The following ARFGEF3 variants were observed in gnomAD, a reference collection of about 807,000 sequenced individuals.
The protein encoded by ARFGEF3 is brefeldin A-inhibited guanine nucleotide-exchange protein 3.
ARFGEF3 carries 96 observed loss-of-function variants against 221.7 expected under a neutral mutation model. The ratio of observed to expected loss-of-function variants is 0.43; its 90% CI spans 0.37 to 0.51. ARFGEF3 has a LOEUF of 0.51. ARFGEF3 is among the 20% of genes least tolerant of loss of function. ARFGEF3 has a pLI of 0.00. For synonymous variants in ARFGEF3, 1,145 were observed against 1,126.8 expected, an observed-to-expected ratio of 1.02 and a Z score of -0.32; for missense variants, 2,410 against 2,789.9, an observed-to-expected ratio of 0.86 and a Z score of 3.07.
intron 8 of ARFGEF3, 65 bp from the exon 9 acceptor site, chr6:138,253,815 C>A: frequency 7.7e-7 from 1 of 1,295,270 alleles, no homozygotes; most frequent in Non-Finnish European, 1.1e-6. Flanking sequence ...CGTGTTTCCA[C>A]ACATCACCTC....
At chr6:138,320,092 C>T (rs1481874267) in intron 28 of ARFGEF3, among the ~76,000 whole-genome samples, 3 of 151,980 alleles carry the variant, frequency 2.0e-5, no homozygotes, top group Admixed American at 1.3e-4. Context: ...ATTTTCAAAC[C>T]GAATGCTCAA....
intron 4 of ARFGEF3, among the ~76,000 whole-genome samples, chr6:138,225,634 A>G (rs1778070505): frequency 6.6e-6 from 1 of 152,260 alleles, no homozygotes; most frequent in African/African-American, 2.4e-5. Context: ...ACCTTAGTGA[A>G]TAATGACTGG....
chr6:138,294,202 G>T, intron 20 of ARFGEF3, 76 bp downstream of exon 20: 2 of 1,478,008 alleles, frequency 1.4e-6, no homozygotes, highest in Non-Finnish European at 1.8e-6. Flanking sequence ...CCAGCAGCGT[G>T]CCTGAAGATT....
At chr6:138,310,742 C>A (rs1779811706) in intron 24 of ARFGEF3, among the ~76,000 whole-genome samples, 2 of 152,120 alleles carry the variant, frequency 1.3e-5, no homozygotes, top group South Asian at 4.1e-4. Flanking sequence ...TATAATAATT[C>A]AGTTACACTC....
At chr6:138,211,184 G>A (rs941084292) in intron 4 of ARFGEF3, among the ~76,000 whole-genome samples, 1 of 152,154 alleles carries the variant, frequency 6.6e-6, no homozygotes, top group Admixed American at 6.5e-5. Context: ...CACAGTATCT[G>A]GCACAAAGCT....
chr6:138,199,864 T>A (rs1385922024), intron 2 of ARFGEF3, among the ~76,000 whole-genome samples: 1 of 152,198 alleles, frequency 6.6e-6, no homozygotes, highest in Non-Finnish European at 1.5e-5. Flanking sequence ...GGACGCCCTT[T>A]ATTTCTTCCT....
At position 138,334,565 on chromosome 6, in the gene ARFGEF3, C is replaced by T. The variant is rs1192629533; in HGVS notation, c.5719C>T (p.Leu1907=). The part of the protein sequence containing the change: ...WVWLVKRLHK[L]CMELCNNYIQ... ...GTGGCTGGTCAAGAGGCTGCACAAG[C>T]TGTGCATGGAACTGTGCAACAACTA... The change falls in exon 33 of 34, where the codon CTG becomes TTG. Residue 1907 remains leucine, a synonymous_variant. Coordinates refer to ENST00000251691, the MANE Select transcript of ARFGEF3 (RefSeq NM_020340.5). The surrounding 1 kb of genome is among the most constrained non-coding windows in gnomAD (Gnocchi z 5.1). The T allele has an allele frequency of 5.0e-6, 8 of 1,613,664 alleles. No homozygotes were observed. The highest frequency in any genetic ancestry group is 6.8e-6 in the Non-Finnish European group (8 of 1,179,884).
chr6:138,265,097 G>T (rs573183054), intron 12 of ARFGEF3, among the ~76,000 whole-genome samples: 1 of 152,036 alleles, frequency 6.6e-6, no homozygotes, highest in Non-Finnish European at 1.5e-5. Flanking sequence ...TAGAGACAGG[G>T]TTTCGCTGTG....
At chr6:138,184,493 T>A (rs1277931106) in intron 2 of ARFGEF3, among the ~76,000 whole-genome samples, 3 of 152,186 alleles carry the variant, frequency 2.0e-5, no homozygotes, top group South Asian at 4.1e-4. Flanking sequence ...CAAAGTGTGA[T>A]GTTAGATAGG....
chr6:138,325,756 G>T (rs1220871690), intron 31 of ARFGEF3, among the ~76,000 whole-genome samples: 2 of 152,212 alleles, frequency 1.3e-5, no homozygotes, highest in African/African-American at 2.4e-5. Flanking sequence ...AAGTCAATGG[G>T]ATCTTCTGAA....
chr6:138,304,376 A>T (rs1385699446), intron 22 of ARFGEF3, among the ~76,000 whole-genome samples: 1 of 152,168 alleles, frequency 6.6e-6, no homozygotes, highest in Non-Finnish European at 1.5e-5. Flanking sequence ...ACAAATGGGT[A>T]CTGCGTTTTT....
intron 8 of ARFGEF3, among the ~76,000 whole-genome samples, chr6:138,246,237 G>C (rs1483517548): frequency 6.6e-6 from 1 of 151,740 alleles, no homozygotes; most frequent in East Asian, 1.9e-4. Context: ...TTTCAACATG[G>C]GGCGAAAAGT....
chr6:138,278,251 T>C (rs1200848597), intron 12 of ARFGEF3, among the ~76,000 whole-genome samples, 200 bp from the exon 13 acceptor site: 1 of 152,172 alleles, frequency 6.6e-6, no homozygotes, highest in Non-Finnish European at 1.5e-5. Flanking sequence ...CCCAGGCAGA[T>C]CCACTCCTGA....
intron 10 of ARFGEF3, among the ~76,000 whole-genome samples, chr6:138,257,211 A>T (rs1008655374): frequency 2.0e-5 from 3 of 152,096 alleles, no homozygotes; most frequent in African/African-American, 7.2e-5. Context: ...GGCCAGTGAG[A>T]CTAGACCACA....
At chr6:138,206,353 T>C (rs1471254871) in intron 2 of ARFGEF3, among the ~76,000 whole-genome samples, 1 of 151,914 alleles carries the variant, frequency 6.6e-6, no homozygotes, top group Non-Finnish European at 1.5e-5. Flanking sequence ...CTTTTTTTTT[T>C]TTTTTGTCTC....
At chr6:138,202,751 C>A (rs527944114) in intron 2 of ARFGEF3, among the ~76,000 whole-genome samples, 1 of 151,354 alleles carries the variant, frequency 6.6e-6, no homozygotes. Context: ...GTTGCAGATA[C>A]GGTCAGAAGC....
At chr6:138,328,777 C>T (rs1780170137) in intron 32 of ARFGEF3, among the ~76,000 whole-genome samples, 1 of 152,078 alleles carries the variant, frequency 6.6e-6, no homozygotes, top group Non-Finnish European at 1.5e-5. Context: ...ATCACTTAAG[C>T]TCAGAAGTTT....
intron 8 of ARFGEF3, among the ~76,000 whole-genome samples, chr6:138,253,235 A>G (rs979516630): frequency 6.6e-6 from 1 of 152,166 alleles, no homozygotes; most frequent in African/African-American, 2.4e-5. Flanking sequence ...AGATTTAACA[A>G]TAGGTTCAAT....
At chr6:138,165,020 C>T (rs1223582299) in intron 1 of ARFGEF3, among the ~76,000 whole-genome samples, 1 of 151,822 alleles carries the variant, frequency 6.6e-6, no homozygotes, top group East Asian at 1.9e-4. Flanking sequence ...CCTACTTAGA[C>T]CATCATGGGA....
Sources: gnomAD v4.1 joint callset for allele counts (sites outside exome capture counted in the v4.1 genomes callset) on GRCh38, gnomAD v4.1.1 for gene constraint, Gnocchi (gnomAD v3.1) non-coding constraint, MANE v1.5 for transcripts, NCBI Gene and HGNC (gene_info 2026-07-23, HGNC 2026-07-21) for gene names.